IQCM: variants seen among roughly 807,000 people sequenced by gnomAD.
IQCM encodes the protein IQ domain-containing protein M.
Under a neutral mutation model 57.6 loss-of-function variants are expected in IQCM, and 45 were observed. That is an observed-to-expected ratio of 0.78 (90% confidence interval 0.62 to 1.00). The LOEUF (loss-of-function observed/expected upper bound fraction) is 1.00. IQCM is among the 50% of genes least tolerant of loss of function. The pLI, the probability that IQCM is intolerant of heterozygous loss-of-function variation, is 0.00. For missense variants in IQCM, 468 were observed against 511.6 expected (o/e 0.91, Z 0.82); for synonymous variants, 148 against 158.9 (o/e 0.93, Z 0.51).
chr4:149,804,307 G>A (rs999578432), intron 2 of IQCM, among the ~76,000 whole-genome samples: 8 of 152,002 alleles, frequency 5.3e-5, no homozygotes, highest in Non-Finnish European at 4.4e-5. Context: ...TACAAAGTAT[G>A]GGGGCCTTCC....
intron 2 of IQCM, among the ~76,000 whole-genome samples, chr4:149,770,923 T>C (rs1297370789): frequency 2.6e-5 from 4 of 152,018 alleles, no homozygotes; most frequent in Non-Finnish European, 4.4e-5. Flanking sequence ...GTACAGAAGG[T>C]TCTAATCAGT....
At chr4:149,600,303 C>A (rs979706258) in intron 8 of IQCM, among the ~76,000 whole-genome samples, 6 of 152,112 alleles carry the variant, frequency 3.9e-5, no homozygotes, top group Non-Finnish European at 8.8e-5. Context: ...TTCACCAAGA[C>A]TCTGCAAAGC....
At chr4:149,661,720 T>G (rs904223569) in intron 7 of IQCM, among the ~76,000 whole-genome samples, 9 of 152,136 alleles carry the variant, frequency 5.9e-5, no homozygotes, top group African/African-American at 2.2e-4. Flanking sequence ...TTCTTCTATA[T>G]TATCAAATTT....
At chr4:149,785,309 C>T (rs572290804) in intron 2 of IQCM, among the ~76,000 whole-genome samples, 2 of 152,106 alleles carry the variant, frequency 1.3e-5, no homozygotes, top group East Asian at 1.9e-4. Context: ...ATTAGGCACA[C>T]AAAGTTATAA....
intron 5 of IQCM, among the ~76,000 whole-genome samples, chr4:149,694,242 T>C (rs1302565247): frequency 7.1e-6 from 1 of 140,318 alleles, no homozygotes; most frequent in African/African-American, 2.7e-5. Context: ...TTTTTTTTTT[T>C]GAGACGGAGT....
intron 13 of IQCM, among the ~76,000 whole-genome samples, chr4:149,368,399 A>G (rs992164522): frequency 6.6e-6 from 1 of 152,000 alleles, no homozygotes; most frequent in Non-Finnish European, 1.5e-5. Flanking sequence ...ATATCCTTCA[A>G]TAGATGGCTG....
At chr4:149,812,947 G>A (rs1774722131) in intron 2 of IQCM, among the ~76,000 whole-genome samples, 1 of 152,128 alleles carries the variant, frequency 6.6e-6, no homozygotes, top group Non-Finnish European at 1.5e-5. Context: ...CTGGTTATCA[G>A]TCAGCTACAT....
intron 9 of IQCM, among the ~76,000 whole-genome samples, chr4:149,574,977 C>A (rs931479377): frequency 2.6e-5 from 4 of 151,918 alleles, no homozygotes; most frequent in African/African-American, 9.7e-5. Context: ...CTCTTCCAAC[C>A]TGCATTATTG....
intron 7 of IQCM, among the ~76,000 whole-genome samples, chr4:149,636,829 A>G (rs1029929684): frequency 6.6e-5 from 10 of 152,232 alleles, no homozygotes; most frequent in Non-Finnish European, 1.3e-4. Flanking sequence ...TAAATCCGAA[A>G]GAAAACTAGC....
At chr4:149,399,702 T>C (rs968169237) in intron 13 of IQCM, among the ~76,000 whole-genome samples, 2 of 152,118 alleles carry the variant, frequency 1.3e-5, no homozygotes, top group Non-Finnish European at 2.9e-5. Context: ...GCCATCTTCA[T>C]GCTCTGAATG....
chr4:149,397,444 C>T (rs903875261), intron 13 of IQCM, among the ~76,000 whole-genome samples: 10 of 151,828 alleles, frequency 6.6e-5, no homozygotes, highest in African/African-American at 2.4e-4. Flanking sequence ...GTGATTTCCC[C>T]CATTGCTGTG....
At chr4:149,617,105 G>A (rs1405329010) in intron 8 of IQCM, among the ~76,000 whole-genome samples, 1 of 151,906 alleles carries the variant, frequency 6.6e-6, no homozygotes, top group Non-Finnish European at 1.5e-5. Flanking sequence ...ACAGGCATGT[G>A]CCACCACTCC....
At chr4:149,514,407 A>G (rs914519098) in intron 12 of IQCM, 6 of 152,248 alleles carry the variant, frequency 3.9e-5, no homozygotes, top group African/African-American at 1.4e-4. Flanking sequence ...AGTATCACAT[A>G]CTAAAATACT....
At chr4:149,698,962 G>T (rs1763549863) in intron 5 of IQCM, among the ~76,000 whole-genome samples, 1 of 151,952 alleles carries the variant, frequency 6.6e-6, no homozygotes, top group South Asian at 2.1e-4. Context: ...TTAGCACAAG[G>T]CCTGGTACAT....
At chr4:149,710,519 T>C (rs1764480498) in intron 5 of IQCM, among the ~76,000 whole-genome samples, 1 of 152,090 alleles carries the variant, frequency 6.6e-6, no homozygotes, top group South Asian at 2.1e-4. Flanking sequence ...CATATTCTTG[T>C]TGCTCCTCCC....
chr4:149,789,634 G>A (rs1303249139), intron 2 of IQCM, among the ~76,000 whole-genome samples: 2 of 152,216 alleles, frequency 1.3e-5, no homozygotes, highest in Non-Finnish European at 2.9e-5. Flanking sequence ...AGCTGAGCAT[G>A]GTGTTGCACA....
At chr4:149,641,283 A>C (rs1267440887) in intron 7 of IQCM, among the ~76,000 whole-genome samples, 1 of 152,178 alleles carries the variant, frequency 6.6e-6, no homozygotes, top group African/African-American at 2.4e-5. Flanking sequence ...TCTATTTATT[A>C]ATTCTGATTG....
intron 13 of IQCM, among the ~76,000 whole-genome samples, chr4:149,414,996 A>G (rs1339523687): frequency 6.6e-6 from 1 of 152,168 alleles, no homozygotes; most frequent in Non-Finnish European, 1.5e-5. Flanking sequence ...CCAGCTATCT[A>G]TATTTTCTTT....
At chr4:149,528,287 A>C (rs1056540638) in intron 12 of IQCM, among the ~76,000 whole-genome samples, 2 of 152,076 alleles carry the variant, frequency 1.3e-5, no homozygotes, top group Non-Finnish European at 2.9e-5. Flanking sequence ...CACCCAGCCT[A>C]TCTTGATTTT....
Sources: gnomAD v4.1 joint callset for allele counts (sites outside exome capture counted in the v4.1 genomes callset) on GRCh38, gnomAD v4.1.1 for gene constraint, MANE v1.5 for transcripts, NCBI Gene and HGNC (gene_info 2026-07-23, HGNC 2026-07-21) for gene names.